BCAS3: variants seen among roughly 807,000 people sequenced by gnomAD.
The protein encoded by BCAS3 is BCAS4/BCAS3 fusion.
BCAS3 carries 53 observed loss-of-function variants against 116.1 expected under a neutral mutation model. The ratio of observed to expected loss-of-function variants is 0.46; its 90% CI spans 0.37 to 0.57. The LOEUF (loss-of-function observed/expected upper bound fraction) is 0.57, where lower values mean the gene tolerates loss of function less well. Among genes scored for constraint, BCAS3 ranks in the 20% least tolerant of loss-of-function variants. The pLI, the probability that BCAS3 is intolerant of heterozygous loss-of-function variation, is 0.00. For synonymous variants in BCAS3, 391 were observed against 408.2 expected, an observed-to-expected ratio of 0.96 and a Z score of 0.51; for missense variants, 917 against 1,165.4, an observed-to-expected ratio of 0.79 and a Z score of 3.10.
At chr17:60,709,155 G>A (rs1408875602) in intron 4 of BCAS3, 64 bp from the exon 5 acceptor site, 4 of 792,338 alleles carry the variant, frequency 5.0e-6, no homozygotes, top group Non-Finnish European at 8.6e-6. Flanking sequence ...AAGAAATACA[G>A]TTGTTTTCTT....
chr17:60,887,579 A>G (rs1296460573), intron 9 of BCAS3: 1 of 152,190 alleles, frequency 6.6e-6, no homozygotes, highest in African/African-American at 2.4e-5. Flanking sequence ...TTGGATATCC[A>G]GTAGTCCCAG....
At chr17:60,792,881 A>G (rs1220030496) in intron 6 of BCAS3, among the ~76,000 whole-genome samples, 2 of 152,272 alleles carry the variant, frequency 1.3e-5, no homozygotes, top group East Asian at 3.9e-4. Flanking sequence ...TGGCAACACT[A>G]ATTGGACTAA....
Position 61,028,346 on chromosome 17 carries a change from T to A in BCAS3, c.1638-6320T>A, listed in dbSNP as rs2066405556. Reference sequence around the variant, plus strand: ...AATTCAGGATATACAAGAATATAAATCTCATGAAAGTTGATCTTTATTCAT... The same window carrying A: ...AATTCAGGATATACAAGAATATAAAACTCATGAAAGTTGATCTTTATTCAT... On this transcript the variant is annotated intron_variant, in intron 16 of 23. Transcript: ENST00000407086. The surrounding 1 kb of genome is among the most constrained non-coding windows in gnomAD (Gnocchi z 4.3). 6.6e-6 allele frequency among the ~76,000 whole-genome samples: 1 copy of A among 151,812 alleles called. No individual in the cohort carries two copies. The highest frequency in any genetic ancestry group is 2.4e-5 in the African/African-American group (1 of 41,406).
intron 6 of BCAS3, among the ~76,000 whole-genome samples, chr17:60,802,683 C>T (rs2047918864): frequency 6.6e-6 from 1 of 152,010 alleles, no homozygotes; most frequent in South Asian, 2.1e-4. Context: ...CTCTTGTTGC[C>T]CAGGCCGGAG....
At chr17:61,043,815 T>C (rs2143065924) in intron 19 of BCAS3, among the ~76,000 whole-genome samples, 1 of 152,150 alleles carries the variant, frequency 6.6e-6, no homozygotes, top group East Asian at 1.9e-4. Flanking sequence ...TCTTAAAATA[T>C]ATGGTAAATC....
At chr17:60,930,675 CTT>C (rs2059598064) in intron 13 of BCAS3, among the ~76,000 whole-genome samples, 1 of 152,138 alleles carries the variant, frequency 6.6e-6, no homozygotes, top group Admixed American at 6.5e-5. Context: ...CTAGGCTGGT[CTT>C]GAACTCCTGA....
At chr17:61,080,814 A>G (rs1216303456) in intron 21 of BCAS3, among the ~76,000 whole-genome samples, 2 of 152,198 alleles carry the variant, frequency 1.3e-5, no homozygotes, top group South Asian at 2.1e-4. Context: ...AGAAGAATGT[A>G]TCTTCTTTTA....
At chr17:61,317,967 A>G (rs1386905534) in intron 22 of BCAS3, among the ~76,000 whole-genome samples, 2 of 50,784 alleles carry the variant, frequency 3.9e-5, no homozygotes, top group African/African-American at 8.6e-5. Context: ...AACGAATGCC[A>G]TACGCAAGCT....
intron 3 of BCAS3, among the ~76,000 whole-genome samples, chr17:60,687,543 G>T (rs1483849740): frequency 6.6e-6 from 1 of 152,202 alleles, no homozygotes; most frequent in African/African-American, 2.4e-5. Flanking sequence ...GGCGGAGGTT[G>T]CAGTGAGCTG....
intron 6 of BCAS3, among the ~76,000 whole-genome samples, chr17:60,751,059 C>T (rs11655867): frequency 0.73 from 110,320 of 152,124 alleles, 45,695 homozygotes; most frequent in South Asian, 0.98. Context: ...AAAAGTGAAT[C>T]CCCTTTCTAA....
At chr17:61,230,959 CTTTTTT>C (rs763299746) in intron 22 of BCAS3, among the ~76,000 whole-genome samples, 3 of 121,854 alleles carry the variant, frequency 2.5e-5, no homozygotes, top group African/African-American at 9.5e-5. Flanking sequence ...TAGTTTTTGC[CTTTTTT>C]TTTTTTTTTT....
At chr17:61,018,560 C>G (rs1374462105) in intron 16 of BCAS3, among the ~76,000 whole-genome samples, 1 of 152,076 alleles carries the variant, frequency 6.6e-6, no homozygotes, top group Non-Finnish European at 1.5e-5. Context: ...CCTCGGCCTC[C>G]CAAAGTGCTG....
intron 7 of BCAS3, among the ~76,000 whole-genome samples, chr17:60,838,622 A>G (rs533537640): frequency 1.1e-4 from 16 of 152,312 alleles, no homozygotes; most frequent in African/African-American, 3.8e-4. Context: ...CACTGTGGCA[A>G]CTAAACTATA....
At chr17:60,731,891 A>G (rs147572463) in intron 5 of BCAS3, among the ~76,000 whole-genome samples, 4,749 of 149,982 alleles carry the variant, frequency 0.032, 236 homozygotes, top group African/African-American at 0.11. Context: ...CAATTCTCCC[A>G]TCTCAGCCTC....
At chr17:60,814,815 A>G (rs915192969) in intron 7 of BCAS3, among the ~76,000 whole-genome samples, 2 of 152,196 alleles carry the variant, frequency 1.3e-5, no homozygotes, top group Non-Finnish European at 2.9e-5. Flanking sequence ...TAGCAATAAT[A>G]TAAGAAGGAC....
At chr17:60,855,595 C>G (rs1465360115) in intron 7 of BCAS3, among the ~76,000 whole-genome samples, 2 of 151,864 alleles carry the variant, frequency 1.3e-5, no homozygotes, top group African/African-American at 4.8e-5. Context: ...GCTGGGACTA[C>G]AGGTGTGTGC....
intron 22 of BCAS3, among the ~76,000 whole-genome samples, chr17:61,092,033 A>T (rs754109341): frequency 4.6e-5 from 7 of 152,214 alleles, no homozygotes; most frequent in Non-Finnish European, 8.8e-5. Context: ...TAATACTACC[A>T]GTGACCTAGA....
At position 61,388,081 on chromosome 17, in the gene BCAS3, C is replaced by G. The variant is rs1044684937; in HGVS notation, c.2594-3896C>G. On this transcript the variant is annotated intron_variant, in intron 23 of 23. Transcript: ENST00000407086. This position sits in a 1 kb window ranked among gnomAD's most constrained non-coding sequence, Gnocchi z 6.5. ...CCACAGAGCCCCCAGCACTCTCTTT[C>G]GGGCCCTGGCAGGTTCCTGATGGAC... 3.3e-5 allele frequency among the ~76,000 whole-genome samples: 5 copies of G among 152,194 alleles called. No individual in the cohort carries two copies. Among genetic ancestry groups the G allele is most frequent in the Non-Finnish European group, 5.9e-5 (4 of 68,036 alleles).
At chr17:60,941,647 T>C (rs1206172646) in intron 13 of BCAS3, among the ~76,000 whole-genome samples, 1 of 152,148 alleles carries the variant, frequency 6.6e-6, no homozygotes, top group Non-Finnish European at 1.5e-5. Flanking sequence ...GTGTTTGAGA[T>C]AGGATACAGA....
Sources: allele counts gnomAD v4.1 joint callset (sites outside exome capture counted in the v4.1 genomes callset), GRCh38; gene constraint gnomAD v4.1.1; non-coding constraint Gnocchi (gnomAD v3.1); transcripts MANE v1.5; gene names NCBI Gene and HGNC (gene_info 2026-07-23, HGNC 2026-07-21).